Variants in NLK observed in about 807,000 individuals in gnomAD.
NLK encodes the protein nemo like kinase.
Under a neutral mutation model 59.0 loss-of-function variants are expected in NLK, and 11 were observed. That is an observed-to-expected ratio of 0.19 (90% CI 0.12 to 0.31). NLK has a LOEUF of 0.31. Ranked by LOEUF, NLK falls within the 10% of genes least tolerant of loss-of-function variation. The pLI is 1.00. For synonymous variants in NLK, 235 were observed against 235.9 expected, an observed-to-expected ratio of 1.00 and a Z score of 0.03; for missense variants, 410 against 661.1, an observed-to-expected ratio of 0.62 and a Z score of 4.16.
intron 1 of NLK, among the ~76,000 whole-genome samples, chr17:28,068,824 A>G (rs553781098): frequency 2.6e-5 from 4 of 152,268 alleles, no homozygotes; most frequent in Non-Finnish European, 4.4e-5. Flanking sequence ...GACTATAGGC[A>G]TGTGCCACCA....
At position 28,169,182 on chromosome 17, in the gene NLK, G is replaced by A. The variant is rs35659656; in HGVS notation, c.1047+525G>A. Among the ~76,000 whole-genome samples, 273 of 152,274 alleles carry A rather than the reference G, an allele frequency of 1.8e-3. 1 individual carries two copies. Among genetic ancestry groups the A allele is most frequent in the Middle Eastern group, 6.8e-3 (2 of 294 alleles). ...ATTACAGGCATGAGCCACTGCACCC[G>A]GCCAGTTGACTTTATTATATGCACT... On this transcript the variant is annotated intron_variant, in intron 6 of 10. Transcript: ENST00000407008.
chr17:28,132,679 T>G lies in NLK; in HGVS notation c.644+4T>G. 1 of 1,606,780 alleles carries G rather than the reference T, an allele frequency of 6.2e-7. No homozygotes were observed. Among genetic ancestry groups the G allele is most frequent in the Non-Finnish European group, 8.5e-7 (1 of 1,175,368 alleles). Reference sequence around the variant, plus strand: ...ACATTGACTATTTTGAAGAAATGTATCCTAACCAGGGAATGTGAAAGAAGG... The same window carrying G: ...ACATTGACTATTTTGAAGAAATGTAGCCTAACCAGGGAATGTGAAAGAAGG... On this transcript the variant is annotated splice_donor_region_variant and intron_variant, in intron 3 of 10. Transcript: ENST00000407008.
chr17:28,058,395 C>G lies in NLK; in HGVS notation c.458+15064C>G, dbSNP rs1909513150. ...GTTTTTGTACCCTGATTTTCTTTTC[C>G]TCTTAAAGTAGATACTCATTCTTGA... On this transcript the variant is annotated intron_variant, in intron 1 of 10. Transcript: ENST00000407008. 2.0e-5 allele frequency among the ~76,000 whole-genome samples: 3 copies of G among 152,278 alleles called. No homozygotes were observed. The South Asian group carries it at 6.2e-4, about 32-fold the overall frequency.
At chr17:28,090,675 C>A (rs1904460479) in intron 1 of NLK, among the ~76,000 whole-genome samples, 1 of 151,758 alleles carries the variant, frequency 6.6e-6, no homozygotes, top group African/African-American at 2.4e-5. Flanking sequence ...CTGGTGGGAG[C>A]TTGTTAAAAA....
chr17:28,102,637 A>T (rs1309774891), intron 1 of NLK, among the ~76,000 whole-genome samples: 2 of 150,568 alleles, frequency 1.3e-5, no homozygotes, highest in African/African-American at 4.9e-5. Flanking sequence ...CAACAGACTG[A>T]GACTCCATCT....
chr17:28,181,100 T>G (rs929289688), intron 7 of NLK, among the ~76,000 whole-genome samples: 1 of 151,602 alleles, frequency 6.6e-6, no homozygotes, highest in African/African-American at 2.4e-5. Flanking sequence ...CAAAAAAATT[T>G]TTAAAAAAGT....
At chr17:28,090,861 A>G (rs1904468376) in intron 1 of NLK, among the ~76,000 whole-genome samples, 1 of 151,956 alleles carries the variant, frequency 6.6e-6, no homozygotes, top group East Asian at 1.9e-4. Context: ...TCTGTGTGTA[A>G]TATGTCTTTT....
At chr17:28,065,129 G>A (rs2142750883) in intron 1 of NLK, among the ~76,000 whole-genome samples, 1 of 152,186 alleles carries the variant, frequency 6.6e-6, no homozygotes, top group Middle Eastern at 3.4e-3. Context: ...TATAAATACA[G>A]ATAAGTACAG....
chr17:28,186,668 C>A (rs1484054323), intron 8 of NLK, among the ~76,000 whole-genome samples: 1 of 152,148 alleles, frequency 6.6e-6, no homozygotes, highest in Non-Finnish European at 1.5e-5. Context: ...TGCAGGGAAA[C>A]ACCCCTTTTT....
chr17:28,202,702 T>G, the NLK span, among the ~76,000 whole-genome samples: 1 of 149,080 alleles, frequency 6.7e-6, no homozygotes, highest in East Asian at 1.9e-4. Flanking sequence ...TTTTTTTTTT[T>G]GAGACAGGCG....
At chr17:28,094,891 C>G (rs1216889906) in intron 1 of NLK, among the ~76,000 whole-genome samples, 2 of 152,186 alleles carry the variant, frequency 1.3e-5, no homozygotes, top group Non-Finnish European at 2.9e-5. Flanking sequence ...CTGACTTTCT[C>G]TGCAAATTTG....
intron 1 of NLK, among the ~76,000 whole-genome samples, chr17:28,058,806 G>T (rs1423800397): frequency 2.6e-5 from 4 of 152,164 alleles, no homozygotes; most frequent in Admixed American, 2.6e-4. Context: ...TGCTGAGTTT[G>T]TATGTGATGG....
chr17:28,184,461 A>ATTGTT (rs1909035915), intron 7 of NLK, among the ~76,000 whole-genome samples: 1 of 152,158 alleles, frequency 6.6e-6, no homozygotes, highest in Non-Finnish European at 1.5e-5. Context: ...CTATAAACTC[A>ATTGTT]AGCTTCTGTA....
chr17:28,098,146 C>T (rs980622584), intron 1 of NLK, among the ~76,000 whole-genome samples: 5 of 152,094 alleles, frequency 3.3e-5, no homozygotes, highest in Admixed American at 2.0e-4. Context: ...ACACTAGAAC[C>T]TTCTGTTACT....
intron 8 of NLK, among the ~76,000 whole-genome samples, chr17:28,188,778 C>A (rs1909208690): frequency 6.6e-6 from 1 of 152,182 alleles, no homozygotes; most frequent in Non-Finnish European, 1.5e-5. Flanking sequence ...CCATGAAGAA[C>A]AGACCATTGA....
chr17:28,098,621 A>T (rs1416409096), intron 1 of NLK, among the ~76,000 whole-genome samples: 1 of 151,572 alleles, frequency 6.6e-6, no homozygotes, highest in Non-Finnish European at 1.5e-5. Context: ...TGTTGGGCAT[A>T]CAAGTTTTTT....
chr17:28,171,022 T>C (rs2125846), intron 6 of NLK, among the ~76,000 whole-genome samples: 28,951 of 152,156 alleles, frequency 0.19, 2,869 homozygotes, highest in East Asian at 0.34. Flanking sequence ...ACCCTGGTAC[T>C]AGCAGACATC....
intron 7 of NLK, among the ~76,000 whole-genome samples, chr17:28,182,191 C>A (rs1040342215): frequency 4.6e-5 from 7 of 152,070 alleles, no homozygotes; most frequent in African/African-American, 1.4e-4. Flanking sequence ...ACTCTTTGAT[C>A]CTGAAGAAAA....
chr17:28,076,735 T>C (rs915640582), intron 1 of NLK, among the ~76,000 whole-genome samples: 3 of 152,152 alleles, frequency 2.0e-5, no homozygotes, highest in African/African-American at 7.2e-5. Context: ...GGACCTATGG[T>C]TTATAAAACA....
Sources: allele counts gnomAD v4.1 joint callset (sites outside exome capture counted in the v4.1 genomes callset), GRCh38; gene constraint gnomAD v4.1.1; transcripts MANE v1.5; gene names NCBI Gene and HGNC (gene_info 2026-07-23, HGNC 2026-07-21).